MSI2: variants seen among roughly 807,000 people sequenced by gnomAD.
MSI2 encodes the protein RNA-binding protein Musashi homolog 2.
Under a neutral mutation model 45.6 loss-of-function variants are expected in MSI2, and 17 were observed. The ratio of observed to expected loss-of-function variants is 0.37; its 90% CI spans 0.26 to 0.56. The LOEUF is 0.56. MSI2 is among the 20% of genes least tolerant of loss of function. MSI2 has a pLI of 0.77. For synonymous variants in MSI2, 156 were observed against 158.2 expected, an observed-to-expected ratio of 0.99 and a Z score of 0.11; for missense variants, 293 against 444.2, an observed-to-expected ratio of 0.66 and a Z score of 3.06.
At chr17:57,493,316 C>A (rs1366083133) in intron 6 of MSI2, among the ~76,000 whole-genome samples, 1 of 152,146 alleles carries the variant, frequency 6.6e-6, no homozygotes, top group Non-Finnish European at 1.5e-5. Flanking sequence ...CTGGGGATTT[C>A]TGATCTGTCT....
intron 6 of MSI2, among the ~76,000 whole-genome samples, chr17:57,463,491 A>G (rs1454490684): frequency 6.7e-6 from 1 of 149,840 alleles, no homozygotes; most frequent in Non-Finnish European, 1.5e-5. Flanking sequence ...GGCCCTAGTC[A>G]CCCACCCACT....
chr17:57,342,140 G>A (rs888975880), intron 5 of MSI2, among the ~76,000 whole-genome samples: 6 of 152,182 alleles, frequency 3.9e-5, no homozygotes, highest in South Asian at 4.1e-4. Context: ...GGATGGCCCC[G>A]TAATGAGAAT....
At position 57,658,106 on chromosome 17, in the gene MSI2, AGT is replaced by A. The variant is rs1176091788; in HGVS notation, c.790+5947_790+5948del. Among the ~76,000 whole-genome samples the A allele has an allele frequency of 7.9e-5, 12 of 152,210 alleles. 1 individual carries two copies. The highest frequency in any genetic ancestry group is 2.9e-5 in the Non-Finnish European group (2 of 68,030). On this transcript the variant is annotated intron_variant, in intron 11 of 13. Coordinates refer to ENST00000284073, the MANE Select transcript of MSI2 (RefSeq NM_138962.4). The stretch of plus-strand genomic sequence containing the variant: ...TGATGGGGGGCGGAGCGGGGGATGC[AGT>A]GCCTCCATCTCTGCTTCCTCACCCA...
chr17:57,517,551 G>A (rs546283155), intron 6 of MSI2, among the ~76,000 whole-genome samples: 55 of 152,144 alleles, frequency 3.6e-4, no homozygotes, highest in Non-Finnish European at 7.5e-4. Context: ...TCTTGGAGAA[G>A]GGATTCCTGT....
chr17:57,507,763 C>T (rs1392749857), intron 6 of MSI2, among the ~76,000 whole-genome samples: 2 of 152,038 alleles, frequency 1.3e-5, no homozygotes, highest in African/African-American at 4.8e-5. Flanking sequence ...CATATGACGT[C>T]CACTCCGGTG....
In MSI2 at chr17:57,631,448, C is replaced by T. The variant is rs141042750; in HGVS notation, c.727+4145C>T. On this transcript the variant is annotated intron_variant, in intron 10 of 13. Transcript: ENST00000284073. ...TCTCACCATGTGACATGGGGCTGCA[C>T]GGACCTTCCTGGGCCACACAGCTGG... 7.9e-4 allele frequency: 211 copies of T among 268,716 alleles called. 1 individual carries two copies. Among genetic ancestry groups the T allele is most frequent in the African/African-American group, 4.4e-3 (196 of 44,732 alleles). 16.6% of individuals were successfully genotyped at this position (268,716 alleles called of 1,614,324 possible). A position where few individuals can be genotyped will look rare whatever the true frequency, so the allele number is the denominator to read the frequency against.
intron 6 of MSI2, among the ~76,000 whole-genome samples, chr17:57,411,568 AC>A (rs2084197451): frequency 6.6e-6 from 1 of 152,246 alleles, no homozygotes; most frequent in African/African-American, 2.4e-5. Context: ...ACTATGTAAG[AC>A]CCCTTAGCCC....
At chr17:57,674,529 T>C (rs1913078210) in intron 11 of MSI2, among the ~76,000 whole-genome samples, 1 of 151,912 alleles carries the variant, frequency 6.6e-6, no homozygotes. Context: ...GTAGTTTGCA[T>C]GGGATGTGAA....
At chr17:57,685,526 A>AAAATGGGTCTTCCGG (rs2144778218), downstream of MSI2, 1 of 152,300 alleles carries the variant, frequency 6.6e-6, no homozygotes, top group South Asian at 2.1e-4. Context: ...TCTTTTTTGT[A>AAAATGGGTCTTCCGG]AAATGGGTCT....
intron 5 of MSI2, among the ~76,000 whole-genome samples, chr17:57,318,681 A>G (rs1913074840): frequency 6.6e-6 from 1 of 152,134 alleles, no homozygotes; most frequent in Non-Finnish European, 1.5e-5. Context: ...GAGAAAAGGT[A>G]GCTGACATAG....
intron 10 of MSI2, among the ~76,000 whole-genome samples, chr17:57,650,562 C>T (rs930933909): frequency 6.6e-6 from 1 of 152,178 alleles, no homozygotes; most frequent in Admixed American, 6.5e-5. Context: ...AGTCACCATG[C>T]ATGGTCTCCA....
At position 57,275,852 on chromosome 17, in the gene MSI2, G is replaced by A. The variant is rs116465133; in HGVS notation, c.312+13660G>A. On this transcript the variant is annotated intron_variant, in intron 5 of 13. Coordinates refer to ENST00000284073, the MANE Select transcript of MSI2 (RefSeq NM_138962.4). ...CATTAAGTGATCACTAGGCTATGAA[G>A]CAGTTTATTGTAATTAATGCAGAAA... 2.4e-3 allele frequency among the ~76,000 whole-genome samples: 361 copies of A among 152,350 alleles called. 1 individual carries two copies. Among genetic ancestry groups the A allele is most frequent in the African/African-American group, 8.4e-3 (350 of 41,578 alleles).
At chr17:57,519,272 T>C (rs1402333196) in intron 6 of MSI2, among the ~76,000 whole-genome samples, 1 of 152,176 alleles carries the variant, frequency 6.6e-6, no homozygotes, top group African/African-American at 2.4e-5. Flanking sequence ...GGTGTGTGCA[T>C]GCAGGCGAGG....
In MSI2 at chr17:57,413,171, A is replaced by T. The variant is rs375313354; in HGVS notation, c.405+11700A>T. ...AGCCTTTATATACACACACACACACACTCTCTCTCTCTCTGTCTGTCTCGT... is the reference window on the plus strand; with the variant it reads ...AGCCTTTATATACACACACACACACTCTCTCTCTCTCTCTGTCTGTCTCGT... On this transcript the variant is annotated intron_variant, in intron 6 of 13. Coordinates refer to ENST00000284073, the MANE Select transcript of MSI2 (RefSeq NM_138962.4). 3.7e-3 allele frequency among the ~76,000 whole-genome samples: 535 copies of T among 145,718 alleles called. 5 individuals are homozygous for T. Among genetic ancestry groups the T allele is most frequent in the African/African-American group, 7.6e-3 (282 of 36,876 alleles).
At chr17:57,328,245 TC>T (rs1913974493) in intron 5 of MSI2, among the ~76,000 whole-genome samples, 2 of 150,246 alleles carry the variant, frequency 1.3e-5, no homozygotes, top group East Asian at 3.9e-4. Context: ...TACCTAGCCA[TC>T]CATCCATGTA....
At chr17:57,435,075 G>A (rs766564737) in intron 6 of MSI2, among the ~76,000 whole-genome samples, 31 of 152,134 alleles carry the variant, frequency 2.0e-4, no homozygotes, top group Non-Finnish European at 3.2e-4. Context: ...AAGAGAGACT[G>A]CTTGGGGCTA....
intron 8 of MSI2, 127 bp from the exon 9 acceptor site, chr17:57,615,843 A>C: frequency 1.5e-6 from 1 of 680,962 alleles, no homozygotes; most frequent in South Asian, 1.8e-5. Flanking sequence ...TTTACTCGGC[A>C]TGGCTATTTT....
intron 6 of MSI2, among the ~76,000 whole-genome samples, chr17:57,402,623 T>C (rs761298639): frequency 6.6e-6 from 1 of 152,196 alleles, no homozygotes; most frequent in Non-Finnish European, 1.5e-5. Flanking sequence ...GTGTGTCTGT[T>C]TGTGAACTAC....
At chr17:57,648,694 C>G (rs2144675733) in intron 10 of MSI2, among the ~76,000 whole-genome samples, 1 of 152,292 alleles carries the variant, frequency 6.6e-6, no homozygotes, top group Middle Eastern at 3.4e-3. Flanking sequence ...AGCTCTGCCG[C>G]AGCTTTGCTT....
Sources: allele counts gnomAD v4.1 joint callset (sites outside exome capture counted in the v4.1 genomes callset), GRCh38; gene constraint gnomAD v4.1.1; transcripts MANE v1.5; gene names NCBI Gene and HGNC (gene_info 2026-07-23, HGNC 2026-07-21).